Variants in FARS2 observed in about 807,000 individuals in gnomAD.
FARS2 encodes the protein phenylalanine--tRNA ligase, mitochondrial.
In FARS2, 40 loss-of-function variants were observed where a neutral mutation model predicts 46.4. That is an observed-to-expected ratio of 0.86 (90% CI 0.67 to 1.12). The LOEUF (loss-of-function observed/expected upper bound fraction) is 1.12. Among genes scored for constraint, FARS2 ranks in the 50% most tolerant of loss-of-function variants. The probability of loss-of-function intolerance (pLI) is 0.00; values close to 1 mark genes in which losing one functional copy is unlikely to be tolerated. For missense variants in FARS2, 513 were observed against 567.9 expected (o/e 0.90, Z 0.98); for synonymous variants, 234 against 214.9 (o/e 1.09, Z -0.78).
intron 1 of FARS2, among the ~76,000 whole-genome samples, chr6:5,304,719 T>A (rs1768573050): frequency 1.3e-5 from 2 of 152,220 alleles, no homozygotes; most frequent in South Asian, 4.1e-4. Context: ...ATGCATTGCC[T>A]TTGTTAATAG....
intron 4 of FARS2, among the ~76,000 whole-genome samples, chr6:5,531,046 T>C (rs1328916835): frequency 1.3e-5 from 2 of 152,054 alleles, no homozygotes; most frequent in African/African-American, 2.4e-5. Context: ...CTCCAGGCAT[T>C]ATATTCTTGA....
chr6:5,729,300 G>A (rs1290374115), intron 6 of FARS2, among the ~76,000 whole-genome samples: 1 of 152,128 alleles, frequency 6.6e-6, no homozygotes, highest in African/African-American at 2.4e-5. Context: ...CCAGAGCATC[G>A]TCAGTCTCTG....
intron 6 of FARS2, among the ~76,000 whole-genome samples, chr6:5,687,953 T>C (rs1757376560): frequency 6.6e-6 from 1 of 152,234 alleles, no homozygotes; most frequent in Admixed American, 6.5e-5. Flanking sequence ...TTTTATTCTC[T>C]TTGAAGCAAT....
intron 6 of FARS2, among the ~76,000 whole-genome samples, chr6:5,653,382 A>G (rs1777459726): frequency 6.6e-6 from 1 of 152,248 alleles, no homozygotes; most frequent in Admixed American, 6.5e-5. Context: ...TCCAAAAAGA[A>G]TTGAAGAAAA....
At chr6:5,544,261 A>G (rs1308938253) in intron 4 of FARS2, among the ~76,000 whole-genome samples, 1 of 152,188 alleles carries the variant, frequency 6.6e-6, no homozygotes, top group African/African-American at 2.4e-5. Flanking sequence ...GATAAAAAGT[A>G]AAGCAGTCAC....
intron 6 of FARS2, among the ~76,000 whole-genome samples, chr6:5,699,949 A>C (rs1357800003): frequency 6.6e-6 from 1 of 151,960 alleles, no homozygotes; most frequent in Non-Finnish European, 1.5e-5. Flanking sequence ...ACTCCCAACC[A>C]CCTATAGTGT....
intron 3 of FARS2, among the ~76,000 whole-genome samples, chr6:5,430,131 G>A (rs908556469): frequency 2.6e-5 from 4 of 152,040 alleles, no homozygotes; most frequent in Non-Finnish European, 4.4e-5. Flanking sequence ...ATGGAGAATC[G>A]AGTCCTTTAG....
At chr6:5,316,217 T>A (rs1267599697) in intron 1 of FARS2, among the ~76,000 whole-genome samples, 3 of 152,268 alleles carry the variant, frequency 2.0e-5, no homozygotes, top group African/African-American at 7.2e-5. Context: ...TAGCAGTTTC[T>A]CTAAATGCTT....
intron 5 of FARS2, among the ~76,000 whole-genome samples, chr6:5,602,612 A>T (rs1774588482): frequency 1.6e-5 from 2 of 125,518 alleles, no homozygotes; most frequent in African/African-American, 6.0e-5. Context: ...ATGCCACTGC[A>T]CTCCAGTCTG....
intron 6 of FARS2, among the ~76,000 whole-genome samples, chr6:5,699,076 C>T (rs1041537046): frequency 2.6e-5 from 4 of 152,186 alleles, no homozygotes; most frequent in African/African-American, 9.7e-5. Context: ...GACTACAGTT[C>T]ACAGGGTCTT....
At chr6:5,639,648 C>G (rs368390800) in intron 6 of FARS2, among the ~76,000 whole-genome samples, 2 of 152,244 alleles carry the variant, frequency 1.3e-5, no homozygotes, top group African/African-American at 2.4e-5. Flanking sequence ...CTCTCTTCTT[C>G]TATCCACATT....
At chr6:5,424,542 T>G (rs1041394519) in intron 3 of FARS2, among the ~76,000 whole-genome samples, 3 of 152,168 alleles carry the variant, frequency 2.0e-5, no homozygotes, top group African/African-American at 7.2e-5. Context: ...CCGAATAAAG[T>G]ACACACTATG....
intron 6 of FARS2, among the ~76,000 whole-genome samples, chr6:5,661,199 A>T (rs775308007): frequency 9.2e-5 from 14 of 152,240 alleles, no homozygotes; most frequent in Non-Finnish European, 1.8e-4. Flanking sequence ...CTGATTATGG[A>T]ACCAGATGGA....
intron 2 of FARS2, among the ~76,000 whole-genome samples, chr6:5,404,318 T>C (rs1158037189): frequency 6.6e-6 from 1 of 152,062 alleles, no homozygotes; most frequent in Non-Finnish European, 1.5e-5. Context: ...ATCAGAAGAG[T>C]GTCTTAATTC....
intron 4 of FARS2, among the ~76,000 whole-genome samples, chr6:5,473,546 A>AAAAAAAAAAC: frequency 3.7e-5 from 1 of 26,770 alleles, no homozygotes; most frequent in Non-Finnish European, 7.3e-5. Flanking sequence ...AAAAAAAAAC[A>AAAAAAAAAAC]AAAAAAAAAA....
chr6:5,539,646 G>C (rs774848763), intron 4 of FARS2, among the ~76,000 whole-genome samples: 4 of 151,964 alleles, frequency 2.6e-5, no homozygotes, highest in Non-Finnish European at 5.9e-5. Flanking sequence ...GAAGGTAACT[G>C]TTTTTATCTT....
At chr6:5,625,506 G>T (rs1405641949) in intron 6 of FARS2, among the ~76,000 whole-genome samples, 1 of 152,174 alleles carries the variant, frequency 6.6e-6, no homozygotes, top group Non-Finnish European at 1.5e-5. Context: ...GGTCAGCCCC[G>T]GGGGGAGGGA....
chr6:5,452,772 T>C (rs953251064), intron 4 of FARS2: 9 of 152,022 alleles, frequency 5.9e-5, no homozygotes, highest in African/African-American at 1.9e-4. Context: ...AAGAGAAACA[T>C]TGAGCCTGTG....
chr6:5,690,340 T>C (rs1409764083), intron 6 of FARS2, among the ~76,000 whole-genome samples: 1 of 152,112 alleles, frequency 6.6e-6, no homozygotes, highest in South Asian at 2.1e-4. Context: ...TAGTACTGGT[T>C]GTTCCTTTGC....
Sources: gnomAD v4.1 joint callset for allele counts (sites outside exome capture counted in the v4.1 genomes callset) on GRCh38, gnomAD v4.1.1 for gene constraint, MANE v1.5 for transcripts, NCBI Gene and HGNC (gene_info 2026-07-23, HGNC 2026-07-21) for gene names.